SOX5: variants seen among roughly 807,000 people sequenced by gnomAD.
SOX5 encodes the protein SRY-box transcription factor 5, also known as transcription factor SOX-5.
Under a neutral mutation model 92.0 loss-of-function variants are expected in SOX5, and 9 were observed. The ratio of observed to expected loss-of-function variants is 0.10; its 90% CI spans 0.06 to 0.17. The LOEUF is 0.17. Ranked by LOEUF, SOX5 falls within the 10% of genes least tolerant of loss-of-function variation. SOX5 has a pLI of 1.00. For missense variants in SOX5, 642 were observed against 944.5 expected, an observed-to-expected ratio of 0.68 and a Z score of 4.20; for synonymous variants, 344 against 336.3, an observed-to-expected ratio of 1.02 and a Z score of -0.25.
chr12:24,447,214 C>G (rs559811089), intron 1 of SOX5, among the ~76,000 whole-genome samples: 2 of 152,218 alleles, frequency 1.3e-5, no homozygotes, highest in South Asian at 2.1e-4. Flanking sequence ...ACTAGAGAAA[C>G]CTTGGCCAGG....
chr12:24,511,052 G>A (rs1281434962), intron 1 of SOX5, among the ~76,000 whole-genome samples: 3 of 152,132 alleles, frequency 2.0e-5, no homozygotes, highest in Non-Finnish European at 4.4e-5. Context: ...TGCGGGACCA[G>A]GGAATGTGAC....
intron 4 of SOX5, among the ~76,000 whole-genome samples, chr12:24,174,005 G>GTT (rs71059987): frequency 1.2e-3 from 182 of 148,186 alleles, no homozygotes; most frequent in East Asian, 4.3e-3. Flanking sequence ...TTGTTTTTTT[G>GTT]TTTTTTTTTT....
intron 3 of SOX5, among the ~76,000 whole-genome samples, chr12:23,819,459 G>A (rs754912367): frequency 2.8e-4 from 42 of 152,112 alleles, no homozygotes; most frequent in Admixed American, 2.0e-4. Flanking sequence ...GTAAGTTCTG[G>A]GATACATGTG....
chr12:23,595,063 C>T (rs1033162186), intron 9 of SOX5, among the ~76,000 whole-genome samples: 17 of 152,132 alleles, frequency 1.1e-4, no homozygotes, highest in Non-Finnish European at 1.6e-4. Flanking sequence ...TTCGCTTCTC[C>T]CCATTACACT....
At chr12:23,815,512 G>C (rs2095973226) in intron 3 of SOX5, among the ~76,000 whole-genome samples, 1 of 152,058 alleles carries the variant, frequency 6.6e-6, no homozygotes, top group Admixed American at 6.5e-5. Context: ...TGTCTTAAAT[G>C]GTCCATTGAC....
intron 4 of SOX5, among the ~76,000 whole-genome samples, chr12:24,130,535 G>T (rs1949545326): frequency 6.6e-6 from 1 of 152,166 alleles, no homozygotes; most frequent in South Asian, 2.1e-4. Flanking sequence ...TTCAATGAAT[G>T]AAGTTGAGTA....
intron 1 of SOX5, among the ~76,000 whole-genome samples, chr12:24,478,667 G>A (rs1945647449): frequency 6.6e-6 from 1 of 152,148 alleles, no homozygotes; most frequent in South Asian, 2.1e-4. Context: ...AATCTTTGGA[G>A]CATTATTTGT....
At chr12:24,275,037 C>A (rs1004606784) in intron 3 of SOX5, among the ~76,000 whole-genome samples, 1 of 68,664 alleles carries the variant, frequency 1.5e-5, no homozygotes, top group African/African-American at 5.5e-5. Context: ...CATTTCAACC[C>A]GACTTTGGGA....
intron 3 of SOX5, among the ~76,000 whole-genome samples, chr12:23,758,991 TTC>T (rs1329516089): frequency 1.4e-5 from 2 of 147,624 alleles, no homozygotes; most frequent in African/African-American, 5.0e-5. Context: ...GTCTGTGTTA[TTC>T]TGTTATGGCA....
At chr12:24,095,128 C>CACAGAGAG (rs1345578614) in intron 4 of SOX5, among the ~76,000 whole-genome samples, 12 of 90,214 alleles carry the variant, frequency 1.3e-4, no homozygotes, top group Admixed American at 3.3e-4. Context: ...CACACACACA[C>CACAGAGAG]AGAGAGAGAG....
At chr12:24,185,719 A>G (rs1955948416) in intron 4 of SOX5, among the ~76,000 whole-genome samples, 1 of 152,194 alleles carries the variant, frequency 6.6e-6, no homozygotes, top group South Asian at 2.1e-4. Flanking sequence ...CCTGTTGTAA[A>G]GATTAAATGA....
chr12:23,944,520 G>C (rs1944225411), intron 1 of SOX5, among the ~76,000 whole-genome samples: 1 of 152,086 alleles, frequency 6.6e-6, no homozygotes, highest in Admixed American at 6.6e-5. Flanking sequence ...AGGTCAGAAA[G>C]AATAAAAAGG....
intron 4 of SOX5, among the ~76,000 whole-genome samples, chr12:24,116,828 A>C (rs546278782): frequency 9.5e-4 from 145 of 152,314 alleles, no homozygotes; most frequent in Non-Finnish European, 1.6e-3. Context: ...TATTTTGATG[A>C]CAGTATTTAA....
At chr12:23,763,676 G>T (rs1348509255) in intron 3 of SOX5, among the ~76,000 whole-genome samples, 3 of 151,728 alleles carry the variant, frequency 2.0e-5, no homozygotes, top group Non-Finnish European at 4.4e-5. Context: ...TTGTTTGACA[G>T]TTGTCTTTCT....
At position 23,765,385 on chromosome 12, in the gene SOX5, C is replaced by CAAAAAAAAAAAAAA. The variant is rs373571301; in HGVS notation, c.482-9675_482-9662dup. Among the ~76,000 whole-genome samples, 4 of 31,430 alleles carry CAAAAAAAAAAAAAA rather than the reference C, an allele frequency of 1.3e-4. 2 individuals are homozygous for CAAAAAAAAAAAAAA. The highest frequency in any genetic ancestry group is 2.0e-4 in the Non-Finnish European group (4 of 19,816). The allele number at this position is 31,430 out of a possible 152,430, so 20.6% of individuals were successfully genotyped here. ...CTGTGAAGTCAAAAGTGTAAAACAG[C>CAAAAAAAAAAAAAA]AAAAAAAAAAAAAAAAAAAAAAAAA... On this transcript the variant is annotated intron_variant, in intron 3 of 14. Transcript: ENST00000451604.
At chr12:24,016,425 T>C (rs1953614153) in intron 4 of SOX5, among the ~76,000 whole-genome samples, 1 of 152,112 alleles carries the variant, frequency 6.6e-6, no homozygotes, top group Admixed American at 6.5e-5. Context: ...TCCCAGGACT[T>C]AACCATAAAT....
intron 1 of SOX5, among the ~76,000 whole-genome samples, chr12:24,507,735 G>C (rs1948932801): frequency 6.6e-6 from 1 of 152,188 alleles, no homozygotes; most frequent in South Asian, 2.1e-4. Flanking sequence ...ATGGAAAGAG[G>C]GGTGAAATTG....
intron 1 of SOX5, among the ~76,000 whole-genome samples, chr12:24,496,659 C>A (rs1042906233): frequency 1.3e-5 from 2 of 152,100 alleles, no homozygotes; most frequent in Non-Finnish European, 2.9e-5. Flanking sequence ...GGAAAAGAAA[C>A]AATAAACCAC....
intron 8 of SOX5, among the ~76,000 whole-genome samples, chr12:23,614,304 C>A (rs1362252294): frequency 6.6e-6 from 1 of 152,208 alleles, no homozygotes; most frequent in African/African-American, 2.4e-5. Flanking sequence ...CTGTACACAG[C>A]AGAAGACCCT....
Sources: gnomAD v4.1 joint callset for allele counts (sites outside exome capture counted in the v4.1 genomes callset) on GRCh38, gnomAD v4.1.1 for gene constraint, MANE v1.5 for transcripts, NCBI Gene and HGNC (gene_info 2026-07-23, HGNC 2026-07-21) for gene names.